The following DBH variants were observed in gnomAD, a reference collection of about 807,000 sequenced individuals.
DBH encodes the protein dopamine beta-hydroxylase (dopamine beta-monooxygenase).
Under a neutral mutation model 64.0 loss-of-function variants are expected in DBH, and 49 were observed. The ratio of observed to expected loss-of-function variants is 0.77; its 90% CI spans 0.61 to 0.97. The LOEUF is 0.97. Ranked by LOEUF, DBH falls within the 50% of genes least tolerant of loss-of-function variation. The probability of loss-of-function intolerance (pLI) is 0.00; values close to 1 mark genes in which losing one functional copy is unlikely to be tolerated. For missense variants in DBH, 828 were observed against 826.6 expected (o/e 1.00, Z -0.02); for synonymous variants, 343 against 347.1 (o/e 0.99, Z 0.13).
In DBH at chr9:133,644,320, G is replaced by A; in HGVS notation, c.1024G>A (p.Gly342Arg). The A allele has an allele frequency of 2.5e-6, 4 of 1,613,022 alleles. No homozygotes were observed. The highest frequency in any genetic ancestry group is 3.4e-6 in the Non-Finnish European group (4 of 1,178,974). ...CTACCACAACCCACTGGTGATAGAA[G>A]GTAGGCGGCTCTGCTGCCATCCTCC... is the stretch of plus-strand genomic sequence containing the variant. Reference protein sequence around the residue: ...VHYHNPLVIEGRNDSSGIRLY... With the variant: ...VHYHNPLVIERRNDSSGIRLY... Residue 342 changes from glycine to arginine, a missense_variant and splice_region_variant, in exon 5 of 12, where the codon GGA becomes AGA. Gly to Arg is a moderately radical substitution (Grantham distance 125, BLOSUM62 -2). Coordinates refer to ENST00000393056, the MANE Select transcript of DBH (RefSeq NM_000787.4).
chr9:133,657,473 G>GGA (rs1832346942), intron 11 of DBH, among the ~76,000 whole-genome samples: 3 of 144,070 alleles, frequency 2.1e-5, no homozygotes, highest in Non-Finnish European at 4.5e-5. Context: ...AGGGAGAGAG[G>GGA]GAGAGGGAGA....
intron 6 of DBH, 24 bp from the exon 7 acceptor site, chr9:133,651,610 C>A: frequency 6.2e-7 from 1 of 1,612,704 alleles, no homozygotes; most frequent in Non-Finnish European, 8.5e-7. Context: ...CAGGCCCTGA[C>A]ACTGCAGCCC....
At chr9:133,647,593 G>C (rs1832196714) in intron 5 of DBH, among the ~76,000 whole-genome samples, 1 of 152,192 alleles carries the variant, frequency 6.6e-6, no homozygotes, top group Non-Finnish European at 1.5e-5. Context: ...AGTTTTCATA[G>C]AAACAGCAGC....
Position 133,640,017 on chromosome 9 carries a change from G to T in DBH, c.486+25G>T, listed in dbSNP as rs779680075. The T allele has an allele frequency of 2.5e-6, 4 of 1,613,516 alleles. No individual in the cohort carries two copies. The East Asian group carries it at 8.9e-5, about 36-fold the overall frequency. On this transcript the variant is annotated intron_variant, in intron 2 of 11. Coordinates refer to ENST00000393056, the MANE Select transcript of DBH (RefSeq NM_000787.4). Reference sequence around the variant, plus strand: ...AGTAAGGGGTGGCCGCGAGTACCCAGGAGGGCGTGGGCTGCGTGTATCATG... The same window carrying T: ...AGTAAGGGGTGGCCGCGAGTACCCATGAGGGCGTGGGCTGCGTGTATCATG...
intron 1 of DBH, 108 bp from the exon 2 acceptor site, chr9:133,639,738 A>T: frequency 8.0e-7 from 1 of 1,246,680 alleles, no homozygotes; most frequent in Non-Finnish European, 1.1e-6. Context: ...CAGCATCCCC[A>T]GATCAGCTGG....
rs372701213 is a variant in DBH, at chr9:133,644,251, T to A, written c.955T>A (p.Phe319Ile). 1 of 1,614,056 alleles carries A rather than the reference T, an allele frequency of 6.2e-7. No homozygotes were observed. The highest frequency in any genetic ancestry group is 1.7e-5 in the Admixed American group (1 of 60,002). The change falls in exon 5 of 12, where the codon TTC becomes ATC. Residue 319 changes from phenylalanine (F) to isoleucine (I), a missense_variant. Transcript: ENST00000393056. ...FYYPEEAGLA[F>I]GGPGSSRYLR... ...CTACCCAGAGGAAGCCGGCCTTGCC[T>A]TCGGGGGTCCAGGGTCCTCCAGATA...
At chr9:133,655,155 A>C (rs1832300301) in intron 9 of DBH, 1 of 152,266 alleles carries the variant, frequency 6.6e-6, no homozygotes, top group African/African-American at 2.4e-5. Context: ...TCCCTGGCCC[A>C]TGTCGTCCTC....
In DBH at chr9:133,636,719, C is replaced by G. The variant is rs1378333051; in HGVS notation, c.339+9C>G. On this transcript the variant is annotated intron_variant, in intron 1 of 11. Coordinates refer to ENST00000393056, the MANE Select transcript of DBH (RefSeq NM_000787.4). ...ACACTGCCTATTTTGCGGTGAGTCT[C>G]TCCTCCCTGCCAGCTCTCCAAACCC... 6.3e-7 allele frequency: 1 copy of G among 1,598,566 alleles called. No individual in the cohort carries two copies. Among genetic ancestry groups the G allele is most frequent in the South Asian group, 1.1e-5 (1 of 90,948 alleles).
At chr9:133,657,042 C>T (rs773083979) in intron 10 of DBH, 28 bp from the exon 11 acceptor site, 4 of 1,613,270 alleles carry the variant, frequency 2.5e-6, no homozygotes, top group East Asian at 4.5e-5. Context: ...AGCTGCTCCC[C>T]AGCCTGGCTG....
At chr9:133,650,823 C>T (rs113498112) in intron 6 of DBH, among the ~76,000 whole-genome samples, 13,360 of 152,198 alleles carry the variant, frequency 0.088, 1,332 homozygotes, top group African/African-American at 0.25. Context: ...GCTGGGATTA[C>T]AAGCATGAGC....
chr9:133,650,509 TTTCC>T (rs143162172), intron 6 of DBH, among the ~76,000 whole-genome samples: 14,269 of 147,880 alleles, frequency 0.096, 758 homozygotes, highest in South Asian at 0.16. Flanking sequence ...CCTTTCTTTC[TTTCC>T]TTCCTTCCTT....
chr9:133,642,519 C>T (rs1832130098), intron 3 of DBH, 55 bp downstream of exon 3: 3 of 1,551,256 alleles, frequency 1.9e-6, no homozygotes, highest in Non-Finnish European at 2.6e-6. Flanking sequence ...CCTCCCGGGC[C>T]TGGGTTGTCC....
intron 1 of DBH, among the ~76,000 whole-genome samples, chr9:133,639,220 C>T (rs1309048462): frequency 2.7e-5 from 3 of 110,114 alleles, no homozygotes; most frequent in Non-Finnish European, 5.8e-5. Flanking sequence ...TAGCGAGACC[C>T]TATCTCAAAA....
chr9:133,657,465 G>GGAGAGA (rs1428706368), intron 11 of DBH, among the ~76,000 whole-genome samples: 1 of 134,352 alleles, frequency 7.4e-6, no homozygotes, highest in Non-Finnish European at 1.6e-5. Context: ...AGAGGGAGAG[G>GGAGAGA]GAGAGAGGGA....
intron 5 of DBH, among the ~76,000 whole-genome samples, chr9:133,646,160 T>C (rs1357636922): frequency 1.3e-5 from 2 of 152,192 alleles, no homozygotes; most frequent in African/African-American, 4.8e-5. Context: ...TTTATATCTT[T>C]TTTTTTCATT....
intron 1 of DBH, among the ~76,000 whole-genome samples, chr9:133,639,380 T>G (rs1832089950): frequency 6.6e-6 from 1 of 152,176 alleles, no homozygotes; most frequent in African/African-American, 2.4e-5. Context: ...CCTGTTCATG[T>G]CCCACCCTGT....
intron 6 of DBH, among the ~76,000 whole-genome samples, 176 bp downstream of exon 6, chr9:133,648,188 C>T (rs560332109): frequency 3.3e-5 from 5 of 152,350 alleles, no homozygotes; most frequent in African/African-American, 1.2e-4. Flanking sequence ...GCTGAGAGGC[C>T]ATTTGTGTGT....
intron 2 of DBH, 30 bp downstream of exon 2, chr9:133,640,022 G>T: frequency 6.2e-7 from 1 of 1,612,814 alleles, no homozygotes; most frequent in South Asian, 1.1e-5. Context: ...ACCCAGGAGG[G>T]CGTGGGCTGC....
Position 133,639,960 on chromosome 9 carries a change from G to A in DBH, c.454G>A (p.Gly152Ser), listed in dbSNP as rs141319868. 6.2e-7 allele frequency: 1 copy of A among 1,613,838 alleles called. No homozygotes were observed. Among genetic ancestry groups the A allele is most frequent in the Non-Finnish European group, 8.5e-7 (1 of 1,179,996 alleles). The change falls in exon 2 of 12, where the codon GGC (glycine) becomes AGC (serine). Residue 152 changes from glycine to serine, a missense_variant. Gly to Ser is a moderately conservative substitution (Grantham distance 56, BLOSUM62 0). Coordinates refer to ENST00000393056, the MANE Select transcript of DBH (RefSeq NM_000787.4). ...GACCCTGCTTTTCAAGAGGCCCTTT[G>A]GCACCTGCGACCCCAAGGATTACCT... ...GLTLLFKRPFGTCDPKDYLIE... is the reference protein window; with the variant it reads ...GLTLLFKRPFSTCDPKDYLIE...
Sources: gnomAD v4.1 joint callset for allele counts (sites outside exome capture counted in the v4.1 genomes callset) on GRCh38, gnomAD v4.1.1 for gene constraint, MANE v1.5 for transcripts, NCBI Gene and HGNC (gene_info 2026-07-23, HGNC 2026-07-21) for gene names.